The following ITK variants were observed in gnomAD, a reference collection of about 807,000 sequenced individuals.
ITK encodes IL2 inducible T cell kinase.
ITK carries 45 observed loss-of-function variants against 87.6 expected under a neutral mutation model. The ratio of observed to expected loss-of-function variants is 0.51; its 90% CI spans 0.40 to 0.66. The LOEUF (loss-of-function observed/expected upper bound fraction) is 0.66. ITK is among the 30% of genes least tolerant of loss of function. The probability of loss-of-function intolerance (pLI) is 0.00; values close to 1 mark genes in which losing one functional copy is unlikely to be tolerated. For missense variants in ITK, 605 were observed against 766.3 expected, an observed-to-expected ratio of 0.79 and a Z score of 2.48; for synonymous variants, 303 against 273.6, an observed-to-expected ratio of 1.11 and a Z score of -1.06.
intron 10 of ITK, chr5:157,240,602 T>C: frequency 3.7e-6 from 1 of 273,480 alleles, no homozygotes; most frequent in Non-Finnish European, 7.2e-6. Flanking sequence ...GTTTAATTGG[T>C]CCATGGTTGT....
intron 8 of ITK, among the ~76,000 whole-genome samples, chr5:157,234,469 G>A (rs1243417051): frequency 2.0e-5 from 3 of 152,134 alleles, no homozygotes; most frequent in Non-Finnish European, 2.9e-5. Flanking sequence ...ATTTCTAGGT[G>A]TATTTAGAGT....
At chr5:157,240,017 C>T (rs1259654639) in intron 9 of ITK, 45 bp from the exon 10 acceptor site, 3 of 1,592,884 alleles carry the variant, frequency 1.9e-6, no homozygotes, top group African/African-American at 2.7e-5. Context: ...TGTGTCTCAA[C>T]ATTGCTTCTT....
At chr5:157,231,977 T>A (rs765565639) in intron 7 of ITK, among the ~76,000 whole-genome samples, 1 of 152,250 alleles carries the variant, frequency 6.6e-6, no homozygotes, top group Non-Finnish European at 1.5e-5. Flanking sequence ...TAATGTTTTC[T>A]AAAACTTTAT....
chr5:157,186,157 T>C (rs1236126367), intron 1 of ITK, among the ~76,000 whole-genome samples: 1 of 152,152 alleles, frequency 6.6e-6, no homozygotes, highest in Non-Finnish European at 1.5e-5. Context: ...TTGTTACTCA[T>C]AGGTAATCAG....
intron 15 of ITK, among the ~76,000 whole-genome samples, chr5:157,247,482 G>A (rs927454665): frequency 1.3e-5 from 2 of 152,294 alleles, no homozygotes; most frequent in South Asian, 4.1e-4. Flanking sequence ...TGAGACATTT[G>A]GAGCAATGGC....
intron 7 of ITK, 42 bp from the exon 8 acceptor site, chr5:157,232,298 T>C (rs1371565853): frequency 1.5e-6 from 2 of 1,373,986 alleles, no homozygotes; most frequent in South Asian, 2.3e-5. Context: ...ATAATGAAAC[T>C]TTAAAATATG....
intron 13 of ITK, 200 bp from the exon 14 acceptor site, chr5:157,245,526 A>G (rs1286846276): frequency 7.8e-6 from 5 of 642,458 alleles, no homozygotes; most frequent in Admixed American, 4.6e-5. Flanking sequence ...TCATCTTGAT[A>G]GTGGATCTTA....
intron 1 of ITK, among the ~76,000 whole-genome samples, chr5:157,204,120 C>G (rs1405737971): frequency 6.6e-6 from 1 of 152,200 alleles, no homozygotes; most frequent in Non-Finnish European, 1.5e-5. Flanking sequence ...AAGTGATTCT[C>G]CCACTTCACC....
chr5:157,216,128 T>C (rs1450723829), intron 4 of ITK, among the ~76,000 whole-genome samples: 2 of 152,230 alleles, frequency 1.3e-5, no homozygotes, highest in Admixed American at 1.3e-4. Context: ...TACCCTCTTC[T>C]GATTTGGTTA....
chr5:157,189,192 T>G (rs892075523), intron 1 of ITK, among the ~76,000 whole-genome samples: 12 of 152,342 alleles, frequency 7.9e-5, no homozygotes, highest in Middle Eastern at 3.4e-3. Context: ...TTTGCCTGTG[T>G]AATGTGAGGT....
chr5:157,235,631 C>T (rs1189209564), intron 8 of ITK, among the ~76,000 whole-genome samples: 1 of 152,166 alleles, frequency 6.6e-6, no homozygotes, highest in Non-Finnish European at 1.5e-5. Flanking sequence ...TCATTGAAGA[C>T]TCAATGTTGA....
chr5:157,223,876 C>G (rs1754478473), intron 6 of ITK, among the ~76,000 whole-genome samples: 1 of 152,136 alleles, frequency 6.6e-6, no homozygotes, highest in South Asian at 2.1e-4. Flanking sequence ...AAAAAGAAAA[C>G]TGTCCTTGCA....
Position 157,252,824 on chromosome 5 carries a change from AAGC to A in ITK, c.*151_*153del. The stretch of plus-strand genomic sequence containing the variant: ...GGCATCAGTCCCTGAGTCACCATGG[AAGC>A]AGCATCCTGACCACAGCTGGCAGTC... On this transcript the variant is annotated 3_prime_UTR_variant, in exon 17 of 17. Coordinates refer to ENST00000422843, the MANE Select transcript of ITK (RefSeq NM_005546.4). 1 of 710,336 alleles carries A rather than the reference AAGC, an allele frequency of 1.4e-6. No individual in the cohort carries two copies. Among genetic ancestry groups the A allele is most frequent in the East Asian group, 2.6e-5 (1 of 38,542 alleles). 44.0% of individuals were successfully genotyped at this position (710,336 alleles called of 1,614,324 possible).
intron 13 of ITK, 38 bp from the exon 14 acceptor site, chr5:157,245,687 GT>G: frequency 6.4e-7 from 1 of 1,573,340 alleles, no homozygotes; most frequent in Non-Finnish European, 8.7e-7. Flanking sequence ...CTCATCAACA[GT>G]TTTCCTCTCC....
chr5:157,239,164 T>A (rs919478124), intron 9 of ITK, among the ~76,000 whole-genome samples: 13 of 152,000 alleles, frequency 8.6e-5, no homozygotes, highest in Non-Finnish European at 1.6e-4. Flanking sequence ...TCCCCACAAC[T>A]ACCCCCAGCT....
chr5:157,182,453 G>A (rs960173907), intron 1 of ITK, among the ~76,000 whole-genome samples: 2 of 152,120 alleles, frequency 1.3e-5, no homozygotes, highest in African/African-American at 4.8e-5. Flanking sequence ...AAAAGTTGCA[G>A]GCGAAATAGC....
intron 3 of ITK, among the ~76,000 whole-genome samples, chr5:157,211,924 T>C (rs989708303): frequency 6.6e-6 from 1 of 152,212 alleles, no homozygotes; most frequent in Non-Finnish European, 1.5e-5. Flanking sequence ...GAAACTAGGT[T>C]GGCCCATAGA....
intron 5 of ITK, among the ~76,000 whole-genome samples, chr5:157,221,630 T>C (rs747266645): frequency 3.9e-5 from 6 of 152,062 alleles, no homozygotes; most frequent in Non-Finnish European, 8.8e-5. Context: ...TACAGAAAGG[T>C]ACTATCATAA....
At chr5:157,215,350 C>T (rs1205143133) in intron 4 of ITK, among the ~76,000 whole-genome samples, 1 of 152,170 alleles carries the variant, frequency 6.6e-6, no homozygotes, top group African/African-American at 2.4e-5. Flanking sequence ...TAACACATGG[C>T]TAGGTTTTCT....
Sources: allele counts gnomAD v4.1 joint callset (sites outside exome capture counted in the v4.1 genomes callset), GRCh38; gene constraint gnomAD v4.1.1; transcripts MANE v1.5; gene names NCBI Gene and HGNC (gene_info 2026-07-23, HGNC 2026-07-21).